Variants in LETMD1 observed in about 807,000 individuals in gnomAD.
The protein encoded by LETMD1 is LETM1 domain-containing protein 1.
In LETMD1, 30 loss-of-function variants were observed where a neutral mutation model predicts 43.9. The observed-to-expected ratio is 0.68, with a 90% CI of 0.51 to 0.93. The LOEUF (loss-of-function observed/expected upper bound fraction) is 0.93, where lower values mean the gene tolerates loss of function less well. Ranked by LOEUF, LETMD1 falls within the 40% of genes least tolerant of loss-of-function variation. The probability of loss-of-function intolerance (pLI) is 0.00; values close to 1 mark genes in which losing one functional copy is unlikely to be tolerated. For missense variants in LETMD1, 413 were observed against 447.7 expected (o/e 0.92, Z 0.70); for synonymous variants, 176 against 163.1 (o/e 1.08, Z -0.60).
chr12:51,067,662 C>G, the LETMD1 span: 1 of 1,611,154 alleles, frequency 6.2e-7, no homozygotes, highest in Non-Finnish European at 8.5e-7. This position sits in a 1 kb window ranked among gnomAD's most constrained non-coding sequence, Gnocchi z 4.1. Flanking sequence ...CTCAGGCCAA[C>G]TTGGACTGAC....
intron 7 of LETMD1, chr12:51,057,759 G>A (rs1246316378): frequency 7.3e-6 from 3 of 408,450 alleles, no homozygotes; most frequent in Non-Finnish European, 1.4e-5. Context: ...CCGAGTAGCT[G>A]GGACTGCAGG....
downstream of LETMD1, chr12:51,062,180 T>C (rs541939684): frequency 6.6e-6 from 1 of 152,228 alleles, no homozygotes; most frequent in Non-Finnish European, 1.5e-5. Context: ...ACATACGTGA[T>C]GGTTTCTGTA....
At chr12:51,051,936 T>G (rs115461430) in intron 2 of LETMD1, among the ~76,000 whole-genome samples, 156 bp from the exon 3 acceptor site, 1 of 151,852 alleles carries the variant, frequency 6.6e-6, no homozygotes, top group Non-Finnish European at 1.5e-5. Context: ...GAGATTCGAG[T>G]TGACCTCAGG....
chr12:51,055,018 T>G (rs939238956), intron 4 of LETMD1, among the ~76,000 whole-genome samples: 1 of 151,958 alleles, frequency 6.6e-6, no homozygotes, highest in Non-Finnish European at 1.5e-5. Context: ...TAGAATCGCA[T>G]GAACCCAGGA....
At chr12:51,063,751 C>T (rs1240219735), downstream of LETMD1, 8 of 1,542,072 alleles carry the variant, frequency 5.2e-6, no homozygotes, top group Non-Finnish European at 7.0e-6. Flanking sequence ...GCCTGTCACA[C>T]TGCCAGAGGG....
chr12:51,049,699 G>T lies in LETMD1; in HGVS notation c.274+514G>T, dbSNP rs1340274342. Reference sequence around the variant, plus strand: ...TGTATCGTGTCAAGTGTCTACTCTGGAGCCAGATTGCCTGATTCAAATCCC... The same window carrying T: ...TGTATCGTGTCAAGTGTCTACTCTGTAGCCAGATTGCCTGATTCAAATCCC... On this transcript the variant is annotated intron_variant, in intron 2 of 8. Coordinates refer to ENST00000262055, the MANE Select transcript of LETMD1 (RefSeq NM_015416.5). Among the ~76,000 whole-genome samples the T allele has an allele frequency of 2.0e-5, 3 of 152,164 alleles. No individual in the cohort carries two copies. In the East Asian group the frequency reaches 5.8e-4, roughly 29 times the overall value.
At chr12:51,068,473 G>A in the LETMD1 span, among the ~76,000 whole-genome samples, 1 of 152,270 alleles carries the variant, frequency 6.6e-6, no homozygotes, top group South Asian at 2.1e-4. Flanking sequence ...AGCCGTATGT[G>A]ACTACTGGCT....
upstream of LETMD1, chr12:51,048,296 GA>G: frequency 6.2e-7 from 1 of 1,611,742 alleles, no homozygotes; most frequent in Non-Finnish European, 8.5e-7. Flanking sequence ...GAACGAACGC[GA>G]CGTACGGTTA....
At chr12:51,055,688 AAAC>A in intron 4 of LETMD1, 144 bp from the exon 5 acceptor site, 16 of 458,166 alleles carry the variant, frequency 3.5e-5, no homozygotes, top group East Asian at 1.1e-4. Context: ...AAAAAAAAAA[AAAC>A]TGAAAAAGAA....
At chr12:51,065,418 CAAGT>C (rs1424692122), downstream of LETMD1, among the ~76,000 whole-genome samples, 2 of 152,168 alleles carry the variant, frequency 1.3e-5, no homozygotes, top group Admixed American at 6.6e-5. Context: ...ATTAAAACCA[CAAGT>C]AAGCAAATAA....
the LETMD1 span, among the ~76,000 whole-genome samples, chr12:51,065,487 CCA>C: frequency 6.6e-6 from 1 of 152,198 alleles, no homozygotes; most frequent in Non-Finnish European, 1.5e-5. Context: ...AATCTCCACT[CCA>C]GTTATACCAT....
chr12:51,056,607 C>G (rs1947818255), intron 7 of LETMD1, 105 bp downstream of exon 7: 2 of 968,136 alleles, frequency 2.1e-6, no homozygotes, highest in Non-Finnish European at 1.6e-6. Flanking sequence ...TTTATAGAAC[C>G]CAGCTTCTTT....
rs1394663361 is a variant in LETMD1, at chr12:51,059,982, A to G, written c.*551A>G. 6.5e-6 allele frequency: 1 copy of G among 153,614 alleles called. No homozygotes were observed. The highest frequency in any genetic ancestry group is 1.9e-4 in the East Asian group (1 of 5,248). The allele number at this position is 153,614 out of a possible 1,614,324, so 9.5% of individuals were successfully genotyped here. ...TTTGTTTTTTGTCACCTTCACTGGC[A>G]TGGGCTAACCACTTCTTTTTCAAAC... On this transcript the variant is annotated 3_prime_UTR_variant, in exon 9 of 9. Coordinates refer to ENST00000262055, the MANE Select transcript of LETMD1 (RefSeq NM_015416.5).
chr12:51,063,685 G>C, downstream of LETMD1: 1 of 1,306,576 alleles, frequency 7.7e-7, no homozygotes, highest in Non-Finnish European at 1.0e-6. Context: ...TTTTGAAATG[G>C]TGTTAGATAA....
chr12:51,067,558 T>C, the LETMD1 span: 1 of 950,964 alleles, frequency 1.1e-6, no homozygotes, highest in East Asian at 2.4e-5. This position sits in a 1 kb window ranked among gnomAD's most constrained non-coding sequence, Gnocchi z 4.1. Context: ...AACTGGAGAG[T>C]GTTCACAACC....
At chr12:51,068,008 G>A in the LETMD1 span, 5 of 1,586,866 alleles carry the variant, frequency 3.2e-6, no homozygotes, top group Admixed American at 5.1e-5. Context: ...ATAGACATGA[G>A]CGGCATGCAC....
Position 51,056,232 on chromosome 12 carries a change from AG to A in LETMD1, c.751del (p.Ala251LeufsTer4). On this transcript the variant is annotated frameshift_variant, in exon 6 of 9. Transcript: ENST00000262055. LOFTEE classifies it high-confidence loss of function. ...CATCCTCTGGGCATGAACCAACTCC[AG>A]GCTTTGCACGTGGTGAGCACTTTGA... The part of the protein sequence containing the change: ...SNHPLGMNQL[Q>X]ALHVKALSRA... 2 of 1,614,236 alleles carry A rather than the reference AG, an allele frequency of 1.2e-6. No homozygotes were observed. The highest frequency in any genetic ancestry group is 2.2e-5 in the South Asian group (2 of 91,088).
Position 51,048,514 on chromosome 12 carries a change from T to G in LETMD1, c.122+36T>G, listed in dbSNP as rs1360096371. On this transcript the variant is annotated intron_variant, in intron 1 of 8. Transcript: ENST00000262055. ...TGTAGCGAGAAAAGCATTTTTGACG[T>G]CCAGGCTCTTTCAGTGTCTCAACCT... 5.6e-6 allele frequency: 9 copies of G among 1,607,784 alleles called. No individual in the cohort carries two copies. In the African/African-American group the frequency reaches 8.0e-5, roughly 14 times the overall value.
At chr12:51,049,432 G>A (rs896391036) in intron 2 of LETMD1, 6 of 398,952 alleles carry the variant, frequency 1.5e-5, no homozygotes, top group Non-Finnish European at 2.7e-5. Context: ...GTATGTTCTC[G>A]TACTTTCTTA....
Sources: allele counts gnomAD v4.1 joint callset (sites outside exome capture counted in the v4.1 genomes callset), GRCh38; gene constraint gnomAD v4.1.1; non-coding constraint Gnocchi (gnomAD v3.1); transcripts MANE v1.5; gene names NCBI Gene and HGNC (gene_info 2026-07-23, HGNC 2026-07-21).